The following SOST variants were observed in gnomAD, a reference collection of about 807,000 sequenced individuals.
The protein encoded by SOST is sclerosteosis.
A neutral mutation model predicts 16.7 loss-of-function variants in SOST; 14 were observed. That is an observed-to-expected ratio of 0.84 (90% confidence interval 0.55 to 1.31). The LOEUF (loss-of-function observed/expected upper bound fraction) is 1.31, where lower values mean the gene tolerates loss of function less well. SOST is among the 50% of genes most tolerant of loss of function. The probability of loss-of-function intolerance (pLI) is 0.00; values close to 1 mark genes in which losing one functional copy is unlikely to be tolerated. For synonymous variants in SOST, 150 were observed against 140.9 expected (o/e 1.06, Z -0.46); for missense variants, 291 against 310.7 (o/e 0.94, Z 0.48).
In SOST at chr17:43,755,239, T is replaced by A; in HGVS notation, c.*103A>T. 1 of 1,190,850 alleles carries A rather than the reference T, an allele frequency of 8.4e-7. No homozygotes were observed. 73.8% of individuals were successfully genotyped at this position (1,190,850 alleles called of 1,614,324 possible). A position where few individuals can be genotyped will look rare whatever the true frequency, so the allele number is the denominator to read the frequency against. ...GCCCCCTGCCCTGGGTTGCAGGCAT[T>A]TACAATGAAATATAAACAATCAAAC... On this transcript the variant is annotated 3_prime_UTR_variant, in exon 2 of 2. Transcript: ENST00000301691. The surrounding 1 kb of genome is among the most constrained non-coding windows in gnomAD (Gnocchi z 4.3).
At chr17:43,757,094 C>T (rs2154590444) in intron 1 of SOST, among the ~76,000 whole-genome samples, 1 of 152,334 alleles carries the variant, frequency 6.6e-6, no homozygotes, top group Admixed American at 6.5e-5. Flanking sequence ...TGGTTTGCAT[C>T]CTCACCTCTG....
At position 43,754,027 on chromosome 17, in the gene SOST, A is replaced by G. The variant is rs1252586155; in HGVS notation, c.*1315T>C. 4 of 151,228 alleles carry G rather than the reference A, an allele frequency of 2.6e-5. No individual in the cohort carries two copies. Among genetic ancestry groups the G allele is most frequent in the African/African-American group, 9.8e-5 (4 of 40,732 alleles). 9.4% of individuals were successfully genotyped at this position (151,228 alleles called of 1,614,324 possible). ...TTTAACAATTAAAAACTACACAGAA[A>G]GTAAGAGGTTGTCTGGAAATGATTT... On this transcript the variant is annotated 3_prime_UTR_variant, in exon 2 of 2. Transcript: ENST00000301691.
intron 1 of SOST, among the ~76,000 whole-genome samples, chr17:43,756,301 G>A (rs543192940): frequency 1.4e-4 from 22 of 152,244 alleles, no homozygotes; most frequent in Middle Eastern, 3.4e-3. Context: ...CCACTTGGGA[G>A]GGGTGGACAG....
At chr17:43,756,998 AC>A (rs971671777) in intron 1 of SOST, among the ~76,000 whole-genome samples, 7 of 151,878 alleles carry the variant, frequency 4.6e-5, no homozygotes, top group African/African-American at 1.2e-4. Context: ...AGAGAAGGCC[AC>A]CCCCCACCCC....
Position 43,755,849 on chromosome 17 carries a change from CT to C in SOST, c.221-87del. 2.7e-6 allele frequency: 4 copies of C among 1,460,266 alleles called. No individual in the cohort carries two copies. In the South Asian group the frequency reaches 5.0e-5, roughly 18 times the overall value. The allele number at this position is 1,460,266 out of a possible 1,614,324, so 90.5% of individuals were successfully genotyped here. A position where few individuals can be genotyped will look rare whatever the true frequency, so the allele number is the denominator to read the frequency against. ...CCCGTCTCTCTCCACCCCAGCCCTGCTTTTGCCAAGCCTGTCTCCAGAGGCT... is the reference window on the plus strand; with the variant it reads ...CCCGTCTCTCTCCACCCCAGCCCTGCTTTGCCAAGCCTGTCTCCAGAGGCT... On this transcript the variant is annotated intron_variant, in intron 1 of 1. Coordinates refer to ENST00000301691, the MANE Select transcript of SOST (RefSeq NM_025237.3). This position sits in a 1 kb window ranked among gnomAD's most constrained non-coding sequence, Gnocchi z 4.3.
In SOST at chr17:43,755,740, C is replaced by T. The variant is rs1482371714; in HGVS notation, c.244G>A (p.Glu82Lys). ...GTCACGTAGCGGGTGAAGTGCAGCT[C>T]GCGGCAGCTGTACTCGGACACGTCT... ...TKDVSEYSCR[E>K]LHFTRYVTDG... Residue 82 changes from glutamate (E) to lysine (K), a missense_variant, in exon 2 of 2, where the codon GAG becomes AAG. Glu to Lys is a moderately conservative substitution (Grantham distance 56). Transcript: ENST00000301691. This position sits in a 1 kb window ranked among gnomAD's most constrained non-coding sequence, Gnocchi z 4.3. The T allele has an allele frequency of 6.3e-7, 1 of 1,580,384 alleles. No individual in the cohort carries two copies. The highest frequency in any genetic ancestry group is 2.3e-5 in the East Asian group (1 of 43,600).
rs533451851 is a variant in SOST at position 43,754,922 on chromosome 17, G to C, written c.*420C>G. 5 of 172,382 alleles carry C rather than the reference G, an allele frequency of 2.9e-5. No homozygotes were observed. The highest frequency in any genetic ancestry group is 4.7e-5 in the African/African-American group (2 of 42,164). 10.7% of individuals were successfully genotyped at this position (172,382 alleles called of 1,614,324 possible). A position where few individuals can be genotyped will look rare whatever the true frequency, so the allele number is the denominator to read the frequency against. On this transcript the variant is annotated 3_prime_UTR_variant, in exon 2 of 2. Coordinates refer to ENST00000301691, the MANE Select transcript of SOST (RefSeq NM_025237.3). ...GTCTTGTGCTCTGGGCACGCCTCAG[G>C]CTTTCTGATGGGCAGCGAGGTGCAA...
chr17:43,758,541 G>A lies in SOST; in HGVS notation c.201C>T (p.His67=). The change falls in exon 1 of 2, where the codon CAC becomes CAT. Residue 67 remains histidine, a synonymous_variant. Coordinates refer to ENST00000301691, the MANE Select transcript of SOST (RefSeq NM_025237.3). ...CCATACCTTTGGTCTCAAAGGGGTGGTGGGGAGGCCGCCCTCCGTTCTCCG... is the reference window on the plus strand; with the variant it reads ...CCATACCTTTGGTCTCAAAGGGGTGATGGGGAGGCCGCCCTCCGTTCTCCG... The part of the protein sequence containing the change: ...NRAENGGRPP[H]HPFETKDVSE... 1 of 1,613,988 alleles carries A rather than the reference G, an allele frequency of 6.2e-7. No homozygotes were observed.
rs1349540320 is a variant in SOST at position 43,755,087 on chromosome 17, A to G, written c.*255T>C. ...GACCAGCAAAGGTAGGCGGCCCCAGAGGCGGGGCTGCGTGGCTCAGTGTCT... is the reference window on the plus strand; with the variant it reads ...GACCAGCAAAGGTAGGCGGCCCCAGGGGCGGGGCTGCGTGGCTCAGTGTCT... On this transcript the variant is annotated 3_prime_UTR_variant, in exon 2 of 2. Coordinates refer to ENST00000301691, the MANE Select transcript of SOST (RefSeq NM_025237.3). The surrounding 1 kb of genome is among the most constrained non-coding windows in gnomAD (Gnocchi z 4.3). 1 of 463,898 alleles carries G rather than the reference A, an allele frequency of 2.2e-6. No individual in the cohort carries two copies. The highest frequency in any genetic ancestry group is 3.7e-6 in the Non-Finnish European group (1 of 266,742). The allele number at this position is 463,898 out of a possible 1,614,324, so 28.7% of individuals were successfully genotyped here.
chr17:43,755,846 C>G lies in SOST; in HGVS notation c.221-83G>C, dbSNP rs1974125518. ...CGGCCCGTCTCTCTCCACCCCAGCC[C>G]TGCTTTTGCCAAGCCTGTCTCCAGA... On this transcript the variant is annotated intron_variant, in intron 1 of 1. Transcript: ENST00000301691. The surrounding 1 kb of genome is among the most constrained non-coding windows in gnomAD (Gnocchi z 4.3). The G allele has an allele frequency of 2.0e-6, 3 of 1,466,326 alleles. No individual in the cohort carries two copies. Among genetic ancestry groups the G allele is most frequent in the Non-Finnish European group, 2.7e-6 (3 of 1,095,896 alleles). 90.8% of individuals were successfully genotyped at this position (1,466,326 alleles called of 1,614,324 possible).
Position 43,755,634 on chromosome 17 carries a change from T to C in SOST, c.350A>G (p.Asn117Ser), listed in dbSNP as rs977792055. The C allele has an allele frequency of 3.2e-6, 5 of 1,579,890 alleles. No homozygotes were observed. Among genetic ancestry groups the C allele is most frequent in the Non-Finnish European group, 4.3e-6 (5 of 1,169,970 alleles). Residue 117 changes from asparagine to serine, a missense_variant, in exon 2 of 2, where the codon AAC becomes AGC. By Grantham distance (46) the Asn-to-Ser change is conservative. Transcript: ENST00000301691. The surrounding 1 kb of genome is among the most constrained non-coding windows in gnomAD (Gnocchi z 4.3). Reference sequence around the variant, plus strand: ...CCACCACTTGCCGCGGCCGATGGCGTTGGGCAGCAGGCGCGCCGGGCCGCA... The same window carrying C: ...CCACCACTTGCCGCGGCCGATGGCGCTGGGCAGCAGGCGCGCCGGGCCGCA... ...GQCGPARLLP[N>S]AIGRGKWWRP...
chr17:43,758,374 C>T (rs1417099870), intron 1 of SOST, 148 bp downstream of exon 1: 2 of 677,302 alleles, frequency 3.0e-6, no homozygotes, highest in African/African-American at 1.8e-5. Context: ...ATTCTTCCCC[C>T]ACCTCCAGGC....
Position 43,758,631 on chromosome 17 carries a change from G to C in SOST, c.111C>G (p.Ile37Met). 1 of 1,614,136 alleles carries C rather than the reference G, an allele frequency of 6.2e-7. No individual in the cohort carries two copies. The highest frequency in any genetic ancestry group is 1.7e-5 in the Admixed American group (1 of 60,028). ...QAFKNDATEI[I>M]PELGEYPEPP... ...GCTCGGGGTACTCTCCGAGCTCGGGGATGATTTCCGTGGCATCATTCTTGA... is the reference window on the plus strand; with the variant it reads ...GCTCGGGGTACTCTCCGAGCTCGGGCATGATTTCCGTGGCATCATTCTTGA... Residue 37 changes from isoleucine (I) to methionine (M), a missense_variant, in exon 1 of 2, where the codon ATC becomes ATG. By Grantham distance (10) the Ile-to-Met change is conservative. Transcript: ENST00000301691.
Position 43,755,566 on chromosome 17 carries a change from G to A in SOST, c.418C>T (p.Arg140Cys), listed in dbSNP as rs1463056209. ...PDFRCIPDRY[R>C]AQRVQLLCPG... is the part of the protein sequence containing the mutation. Reference sequence around the variant, plus strand: ...CACAGCAGCTGCACGCGCTGCGCGCGGTAGCGGTCGGGGATGCAGCGGAAG... The same window carrying A: ...CACAGCAGCTGCACGCGCTGCGCGCAGTAGCGGTCGGGGATGCAGCGGAAG... The change falls in exon 2 of 2, where the codon CGC (arginine) becomes TGC (cysteine). Residue 140 changes from arginine to cysteine, a missense_variant. By Grantham distance (180) the Arg-to-Cys change is radical. Transcript: ENST00000301691. The surrounding 1 kb of genome is among the most constrained non-coding windows in gnomAD (Gnocchi z 4.3). The A allele has an allele frequency of 6.3e-7, 1 of 1,594,278 alleles. No homozygotes were observed. Among genetic ancestry groups the A allele is most frequent in the Non-Finnish European group, 8.5e-7 (1 of 1,176,066 alleles).
rs1455166718 is a variant in SOST, at chr17:43,755,815, C to T, written c.221-52G>A. Reference sequence around the variant, plus strand: ...GGCCGCCCGCCTGGCCACCCCTGCCCTGGACCGGCCCGTCTCTCTCCACCC... The same window carrying T: ...GGCCGCCCGCCTGGCCACCCCTGCCTTGGACCGGCCCGTCTCTCTCCACCC... On this transcript the variant is annotated intron_variant, in intron 1 of 1. Coordinates refer to ENST00000301691, the MANE Select transcript of SOST (RefSeq NM_025237.3). This position sits in a 1 kb window ranked among gnomAD's most constrained non-coding sequence, Gnocchi z 4.3. 2 of 1,530,774 alleles carry T rather than the reference C, an allele frequency of 1.3e-6. No homozygotes were observed. Among genetic ancestry groups the T allele is most frequent in the African/African-American group, 1.4e-5 (1 of 72,706 alleles). The allele number at this position is 1,530,774 out of a possible 1,614,324, so 94.8% of individuals were successfully genotyped here.
Position 43,758,672 on chromosome 17 carries a change from G to A in SOST, c.70C>T (p.Gln24Ter), listed in dbSNP as rs387906320. ...TCATTCTTGAACGCCTGCCACCCCTGGCCCTCCACTACACGGAAGGCTGTG... is the reference window on the plus strand; with the variant it reads ...TCATTCTTGAACGCCTGCCACCCCTAGCCCTCCACTACACGGAAGGCTGTG... ...VHTAFRVVEG[Q>*]GWQAFKNDAT... is the part of the protein sequence containing the mutation. Residue 24 changes from glutamine (Q) to a stop codon, truncating the protein, a stop_gained, in exon 1 of 2, where the codon CAG becomes TAG. Coordinates refer to ENST00000301691, the MANE Select transcript of SOST (RefSeq NM_025237.3). LOFTEE classifies it high-confidence loss of function. The A allele has an allele frequency of 1.5e-5, 24 of 1,614,002 alleles. No individual in the cohort carries two copies. The highest frequency in any genetic ancestry group is 1.4e-5 in the Non-Finnish European group (16 of 1,180,016).
At position 43,758,568 on chromosome 17, in the gene SOST, C is replaced by T; in HGVS notation, c.174G>A (p.Arg58=). Residue 58 remains arginine (R), a synonymous_variant, in exon 1 of 2, where the codon CGG becomes CGA. Coordinates refer to ENST00000301691, the MANE Select transcript of SOST (RefSeq NM_025237.3). Reference sequence around the variant, plus strand: ...GGGGAGGCCGCCCTCCGTTCTCCGCCCGGTTCATGGTCTTGTTGTTCTCCA... The same window carrying T: ...GGGGAGGCCGCCCTCCGTTCTCCGCTCGGTTCATGGTCTTGTTGTTCTCCA... ...PELENNKTMN[R]AENGGRPPHH... 6.2e-7 allele frequency: 1 copy of T among 1,614,142 alleles called. No individual in the cohort carries two copies. The highest frequency in any genetic ancestry group is 8.5e-7 in the Non-Finnish European group (1 of 1,180,032).
Position 43,755,572 on chromosome 17 carries a change from G to T in SOST, c.412C>A (p.Arg138Ser), listed in dbSNP as rs780592378. The T allele has an allele frequency of 2.5e-6, 4 of 1,594,044 alleles. No individual in the cohort carries two copies. The African/African-American group carries it at 4.1e-5, about 16-fold the overall frequency. The change falls in exon 2 of 2, where the codon CGC (arginine) becomes AGC (serine). Residue 138 changes from arginine to serine, a missense_variant. Coordinates refer to ENST00000301691, the MANE Select transcript of SOST (RefSeq NM_025237.3). The surrounding 1 kb of genome is among the most constrained non-coding windows in gnomAD (Gnocchi z 4.3). The part of the protein sequence containing the change: ...SGPDFRCIPD[R>S]YRAQRVQLLC... ...AGCTGCACGCGCTGCGCGCGGTAGC[G>T]GTCGGGGATGCAGCGGAAGTCGGGC...
At position 43,758,698 on chromosome 17, in the gene SOST, T is replaced by C. The variant is rs528251296; in HGVS notation, c.44A>G (p.His15Arg). 6 of 1,614,022 alleles carry C rather than the reference T, an allele frequency of 3.7e-6. No individual in the cohort carries two copies. Among genetic ancestry groups the C allele is most frequent in the Non-Finnish European group, 5.1e-6 (6 of 1,180,026 alleles). The change falls in exon 1 of 2, where the codon CAC (histidine) becomes CGC (arginine). Residue 15 changes from histidine (H) to arginine (R), a missense_variant. Transcript: ENST00000301691. ...GCCCTCCACTACACGGAAGGCTGTG[T>C]GTACCAGCAGGCAGACGAGACACAG... ...LALCLVCLLV[H>R]TAFRVVEGQG...
Sources: allele counts gnomAD v4.1 joint callset (sites outside exome capture counted in the v4.1 genomes callset), GRCh38; gene constraint gnomAD v4.1.1; non-coding constraint Gnocchi (gnomAD v3.1); transcripts MANE v1.5; gene names NCBI Gene and HGNC (gene_info 2026-07-23, HGNC 2026-07-21).